The following SRGAP2C variants were observed in gnomAD, a reference collection of about 807,000 sequenced individuals.
SRGAP2C encodes SLIT-ROBO Rho GTPase-activating protein 2C.
SRGAP2C carries 15 observed loss-of-function variants against 25.1 expected under a neutral mutation model. The observed-to-expected ratio is 0.60, with a 90% CI of 0.40 to 0.92. SRGAP2C has a LOEUF of 0.92. SRGAP2C is among the 40% of genes least tolerant of loss of function. The pLI, the probability that SRGAP2C is intolerant of heterozygous loss-of-function variation, is 0.00. For synonymous variants in SRGAP2C, 44 were observed against 96.6 expected, an observed-to-expected ratio of 0.46 and a Z score of 3.19; for missense variants, 144 against 264.4, an observed-to-expected ratio of 0.54 and a Z score of 3.16.
At chr1:121,244,065 TG>T (rs1231464011) in intron 2 of SRGAP2C, among the ~76,000 whole-genome samples, 4 of 136,886 alleles carry the variant, frequency 2.9e-5, no homozygotes, top group African/African-American at 1.1e-4. Context: ...GAGTTGTGAC[TG>T]GAGGTTATCT....
At chr1:121,329,365 C>A (rs1156954044) in intron 4 of SRGAP2C, among the ~76,000 whole-genome samples, 1 of 147,874 alleles carries the variant, frequency 6.8e-6, no homozygotes, top group African/African-American at 2.5e-5. Flanking sequence ...TGGATTTTCT[C>A]TGTTTCATTG....
intron 2 of SRGAP2C, among the ~76,000 whole-genome samples, chr1:121,255,454 A>G: frequency 6.6e-6 from 1 of 151,554 alleles, no homozygotes; most frequent in South Asian, 2.1e-4. Flanking sequence ...CTATCCCTTC[A>G]TTCCGTTGAT....
At chr1:121,289,273 C>T (rs1275951828) in intron 3 of SRGAP2C, among the ~76,000 whole-genome samples, 4 of 147,150 alleles carry the variant, frequency 2.7e-5, no homozygotes, top group Admixed American at 6.7e-5. Context: ...TAAGGCCCAG[C>T]GAGAAATCGA....
intron 2 of SRGAP2C, among the ~76,000 whole-genome samples, chr1:121,194,383 A>AAAAAAAC (rs1306145015): frequency 1.4e-5 from 2 of 141,248 alleles, no homozygotes; most frequent in Non-Finnish European, 3.1e-5. Context: ...TTTGCAAGAA[A>AAAAAAAC]AAAAAACAAA....
At chr1:121,326,285 C>T (rs1354221090) in intron 4 of SRGAP2C, among the ~76,000 whole-genome samples, 1 of 82,148 alleles carries the variant, frequency 1.2e-5, no homozygotes, top group Non-Finnish European at 2.4e-5. Flanking sequence ...TTCACCCAGT[C>T]TCTCAGCTCC....
chr1:121,308,060 T>A (rs1404916598), intron 3 of SRGAP2C, among the ~76,000 whole-genome samples: 3 of 151,768 alleles, frequency 2.0e-5, no homozygotes, highest in African/African-American at 7.3e-5. Context: ...GTATTCCTGT[T>A]ATGTGTTGTC....
chr1:121,338,452 A>T (rs1354729779), intron 4 of SRGAP2C, among the ~76,000 whole-genome samples: 2 of 34,684 alleles, frequency 5.8e-5, no homozygotes, highest in African/African-American at 1.8e-4. Flanking sequence ...TTTCATTTTC[A>T]TCTTCTTTCC....
chr1:121,347,774 T>C (rs2101630003), intron 4 of SRGAP2C, among the ~76,000 whole-genome samples: 1 of 152,090 alleles, frequency 6.6e-6, no homozygotes, highest in East Asian at 1.9e-4. Context: ...CTGTGGAGAA[T>C]GAATGTTCTC....
chr1:121,207,602 G>A (rs587681603), intron 2 of SRGAP2C, among the ~76,000 whole-genome samples: 1 of 152,322 alleles, frequency 6.6e-6, no homozygotes, highest in Non-Finnish European at 1.5e-5. Context: ...ACTTTGGAAT[G>A]GGGAGATGGC....
intron 2 of SRGAP2C, among the ~76,000 whole-genome samples, chr1:121,217,160 G>T (rs587648366): frequency 6.6e-6 from 1 of 151,858 alleles, no homozygotes; most frequent in Non-Finnish European, 1.5e-5. Flanking sequence ...ATTAGAAGTC[G>T]TCTAGGCCTA....
chr1:121,271,138 C>G (rs1264818814), intron 2 of SRGAP2C, among the ~76,000 whole-genome samples: 1 of 150,140 alleles, frequency 6.7e-6, no homozygotes, highest in Non-Finnish European at 1.5e-5. Flanking sequence ...TTTTTTTAAA[C>G]TTAACCACTA....
chr1:121,308,090 TG>T (rs1319465963), intron 3 of SRGAP2C, among the ~76,000 whole-genome samples: 1 of 150,206 alleles, frequency 6.7e-6, no homozygotes, highest in African/African-American at 2.5e-5. Flanking sequence ...CTCTGCGCTC[TG>T]GGGCTCTGAG....
At chr1:121,338,553 T>C (rs1658573638) in intron 4 of SRGAP2C, among the ~76,000 whole-genome samples, 1 of 144,370 alleles carries the variant, frequency 6.9e-6, no homozygotes, top group South Asian at 2.2e-4. Context: ...GTTTTTTGTT[T>C]TGTTTTCTTT....
intron 3 of SRGAP2C, among the ~76,000 whole-genome samples, chr1:121,295,734 TTTGTTGTTGTTG>T (rs1217576526): frequency 7.3e-5 from 11 of 150,080 alleles, no homozygotes; most frequent in Admixed American, 1.3e-4. Flanking sequence ...CTTTTTTGTT[TTTGTTGTTGTTG>T]TTGTTGTTGT....
intron 3 of SRGAP2C, among the ~76,000 whole-genome samples, chr1:121,323,371 T>A (rs1658250227): frequency 6.6e-6 from 1 of 152,090 alleles, no homozygotes; most frequent in African/African-American, 2.4e-5. Context: ...ATCCCAGCAC[T>A]TTGGGAGGCC....
At chr1:121,353,014 C>A (rs1553346499) in intron 4 of SRGAP2C, among the ~76,000 whole-genome samples, 3 of 150,734 alleles carry the variant, frequency 2.0e-5, no homozygotes, top group Non-Finnish European at 2.9e-5. Flanking sequence ...GGCGTGAACC[C>A]GGGAGGCAGA....
intron 2 of SRGAP2C, among the ~76,000 whole-genome samples, chr1:121,197,289 AGT>A (rs1654855255): frequency 6.6e-6 from 1 of 151,744 alleles, no homozygotes; most frequent in African/African-American, 2.4e-5. Flanking sequence ...TCTCCTCTGC[AGT>A]GTCTTTGTAC....
chr1:121,237,740 C>T (rs1253475216), intron 2 of SRGAP2C, among the ~76,000 whole-genome samples: 1 of 149,930 alleles, frequency 6.7e-6, no homozygotes, highest in Non-Finnish European at 1.5e-5. Flanking sequence ...CTCCTTACTT[C>T]CCAGCTGAAC....
At chr1:121,375,160 G>A (rs1402601632) in intron 7 of SRGAP2C, among the ~76,000 whole-genome samples, 2 of 149,884 alleles carry the variant, frequency 1.3e-5, no homozygotes, top group Non-Finnish European at 3.0e-5. Context: ...TGGGAGGAAG[G>A]CATTATTATC....
Sources: gnomAD v4.1 joint callset for allele counts (sites outside exome capture counted in the v4.1 genomes callset) on GRCh38, gnomAD v4.1.1 for gene constraint, MANE v1.5 for transcripts, NCBI Gene and HGNC (gene_info 2026-07-23, HGNC 2026-07-21) for gene names.